The following RABGAP1L variants were observed in gnomAD, a reference collection of about 807,000 sequenced individuals.
The protein encoded by RABGAP1L is RAB GTPase activating protein 1 like, also known as rab GTPase-activating protein 1-like.
Under a neutral mutation model 137.7 loss-of-function variants are expected in RABGAP1L, and 63 were observed. That is an observed-to-expected ratio of 0.46 (90% CI 0.37 to 0.56). The LOEUF is 0.56. RABGAP1L is among the 20% of genes least tolerant of loss of function. The pLI, the probability that RABGAP1L is intolerant of heterozygous loss-of-function variation, is 0.00. For missense variants in RABGAP1L, 1,095 were observed against 1,244.0 expected (o/e 0.88, Z 1.80); for synonymous variants, 431 against 433.7 (o/e 0.99, Z 0.08).
In RABGAP1L at chr1:174,448,585, G is replaced by C; in HGVS notation, c.1710+54440G>C. On this transcript the variant is annotated intron_variant, in intron 13 of 25. Coordinates refer to ENST00000681986, the MANE Select transcript of RABGAP1L (RefSeq NM_001366446.1). The surrounding 1 kb of genome is among the most constrained non-coding windows in gnomAD (Gnocchi z 4.2). ...ATCAACTGGTCACCCCTTGTCGCTT[G>C]AGAATTTGCATTATTTTGATCTGGA... is the stretch of plus-strand genomic sequence containing the variant. The C allele has an allele frequency of 2.5e-6, 4 of 1,613,994 alleles. No individual in the cohort carries two copies. Among genetic ancestry groups the C allele is most frequent in the Non-Finnish European group, 3.4e-6 (4 of 1,179,922 alleles).
intron 11 of RABGAP1L, among the ~76,000 whole-genome samples, chr1:174,361,710 C>T (rs181958351): frequency 3.7e-4 from 56 of 152,028 alleles, no homozygotes; most frequent in African/African-American, 1.2e-3. Context: ...AGCATAAGAT[C>T]GTATCATCTG....
At chr1:174,539,795 C>T (rs547533666) in intron 13 of RABGAP1L, among the ~76,000 whole-genome samples, 14 of 152,136 alleles carry the variant, frequency 9.2e-5, no homozygotes, top group Admixed American at 3.3e-4. Flanking sequence ...TATAATCCTT[C>T]GGGTTTATAC....
intron 11 of RABGAP1L, among the ~76,000 whole-genome samples, chr1:174,313,848 A>G (rs1020674532): frequency 3.3e-5 from 5 of 152,208 alleles, no homozygotes; most frequent in Non-Finnish European, 7.3e-5. Context: ...TCCCAGGGAT[A>G]AATCTCAATT....
intron 19 of RABGAP1L, among the ~76,000 whole-genome samples, chr1:174,860,745 A>G (rs1001798460): frequency 2.0e-5 from 3 of 152,250 alleles, no homozygotes; most frequent in Non-Finnish European, 4.4e-5. Context: ...CTTATAGTAA[A>G]GAACAAAGTT....
chr1:174,794,072 A>T (rs1228862440), intron 18 of RABGAP1L, among the ~76,000 whole-genome samples: 1 of 152,228 alleles, frequency 6.6e-6, no homozygotes, highest in Non-Finnish European at 1.5e-5. Flanking sequence ...ACCACTACTC[A>T]CTGTGTCATC....
intron 19 of RABGAP1L, among the ~76,000 whole-genome samples, chr1:174,933,033 T>G (rs2149264833): frequency 6.6e-6 from 1 of 152,268 alleles, no homozygotes; most frequent in Non-Finnish European, 1.5e-5. Context: ...TATTGTTGCT[T>G]CTATATCTTC....
In RABGAP1L at chr1:174,722,404, G is replaced by A. The variant is rs1681627707; in HGVS notation, c.2169+20148G>A. Among the ~76,000 whole-genome samples the A allele has an allele frequency of 2.0e-5, 3 of 151,716 alleles. 1 individual carries two copies. Among genetic ancestry groups the A allele is most frequent in the Admixed American group, 2.0e-4 (3 of 15,220 alleles). ...AGTACTTTGTTTAATTAGGGTCTCGGAACATGAATATGACTAGCTTTTCCC... is the reference window on the plus strand; with the variant it reads ...AGTACTTTGTTTAATTAGGGTCTCGAAACATGAATATGACTAGCTTTTCCC... On this transcript the variant is annotated intron_variant, in intron 17 of 25. Coordinates refer to ENST00000681986, the MANE Select transcript of RABGAP1L (RefSeq NM_001366446.1).
chr1:174,799,849 G>C (rs1454692367), intron 18 of RABGAP1L: 1 of 988,112 alleles, frequency 1.0e-6, no homozygotes, highest in Non-Finnish European at 1.2e-6. Context: ...TTTTCTCCTT[G>C]CAGCTTCACA....
chr1:174,839,392 T>C lies in RABGAP1L; in HGVS notation c.2340+27432T>C, dbSNP rs7540198. Among the ~76,000 whole-genome samples the C allele has an allele frequency of 3.6e-3, 542 of 152,260 alleles. 4 individuals carry two copies. The highest frequency in any genetic ancestry group is 0.011 in the African/African-American group (464 of 41,554). ...TTTACTGAGTCTCTATTCTTTGTGG[T>C]CAAAGGATCCTAATTTATACAGCTG... On this transcript the variant is annotated intron_variant, in intron 19 of 25. Transcript: ENST00000681986.
intron 1 of RABGAP1L, among the ~76,000 whole-genome samples, chr1:174,204,151 A>T (rs1184409528): frequency 6.6e-6 from 1 of 152,052 alleles, no homozygotes; most frequent in African/African-American, 2.4e-5. Context: ...GGATTTCACC[A>T]TGTTGGCCAG....
At chr1:174,598,708 T>C (rs1670177217) in intron 13 of RABGAP1L, among the ~76,000 whole-genome samples, 1 of 152,220 alleles carries the variant, frequency 6.6e-6, no homozygotes, top group Non-Finnish European at 1.5e-5. Context: ...TTTTATCTGA[T>C]ATAAGTGTAG....
chr1:174,824,952 C>G (rs1350981341), intron 19 of RABGAP1L, among the ~76,000 whole-genome samples: 5 of 152,188 alleles, frequency 3.3e-5, no homozygotes, highest in Non-Finnish European at 5.9e-5. Flanking sequence ...AGACAACAAA[C>G]TACTGAGGAG....
chr1:174,410,821 T>G (rs998479831), intron 13 of RABGAP1L, among the ~76,000 whole-genome samples: 1 of 152,206 alleles, frequency 6.6e-6, no homozygotes, highest in Non-Finnish European at 1.5e-5. Context: ...ATCTCTTGCT[T>G]TCTTTGGGCA....
At chr1:174,440,821 G>A (rs1558236651) in intron 13 of RABGAP1L, among the ~76,000 whole-genome samples, 1 of 152,094 alleles carries the variant, frequency 6.6e-6, no homozygotes, top group East Asian at 1.9e-4. Flanking sequence ...GCCTTCCAAA[G>A]TCCTGGGATT....
At chr1:174,489,321 C>A (rs1008823825) in intron 13 of RABGAP1L, among the ~76,000 whole-genome samples, 2 of 152,070 alleles carry the variant, frequency 1.3e-5, no homozygotes, top group African/African-American at 4.8e-5. Context: ...AGAACTTAAA[C>A]AAATTTACAA....
intron 12 of RABGAP1L, among the ~76,000 whole-genome samples, chr1:174,384,715 G>C (rs1392244725): frequency 6.6e-6 from 1 of 152,088 alleles, no homozygotes; most frequent in Non-Finnish European, 1.5e-5. Context: ...TATGTCAAGT[G>C]CACATGACCT....
intron 3 of RABGAP1L, among the ~76,000 whole-genome samples, chr1:174,227,005 T>C (rs1670238731): frequency 6.6e-6 from 1 of 152,104 alleles, no homozygotes; most frequent in African/African-American, 2.4e-5. Context: ...GAGAATAATA[T>C]TGTGACACAT....
intron 10 of RABGAP1L, among the ~76,000 whole-genome samples, chr1:174,304,482 A>G (rs1158905423): frequency 2.6e-5 from 4 of 151,982 alleles, no homozygotes; most frequent in Admixed American, 2.6e-4. Context: ...ACCCACATAT[A>G]TATTTTTATA....
At chr1:174,653,118 C>A (rs1675676396) in intron 14 of RABGAP1L, among the ~76,000 whole-genome samples, 1 of 152,192 alleles carries the variant, frequency 6.6e-6, no homozygotes, top group Admixed American at 6.5e-5. Context: ...CCGCCTACTC[C>A]AGCCTCAGTA....
Sources: gnomAD v4.1 joint callset for allele counts (sites outside exome capture counted in the v4.1 genomes callset) on GRCh38, gnomAD v4.1.1 for gene constraint, Gnocchi (gnomAD v3.1) non-coding constraint, MANE v1.5 for transcripts, NCBI Gene and HGNC (gene_info 2026-07-23, HGNC 2026-07-21) for gene names.